Variants in IGF2BP3 observed in about 807,000 individuals in gnomAD.
IGF2BP3 encodes the protein insulin-like growth factor 2 mRNA-binding protein 3.
In IGF2BP3, 9 loss-of-function variants were observed where a neutral mutation model predicts 73.8. The ratio of observed to expected loss-of-function variants is 0.12; its 90% CI spans 0.07 to 0.21. The LOEUF (loss-of-function observed/expected upper bound fraction) is 0.21. Ranked by LOEUF, IGF2BP3 falls within the 10% of genes least tolerant of loss-of-function variation. The probability of loss-of-function intolerance (pLI) is 1.00; values close to 1 mark genes in which losing one functional copy is unlikely to be tolerated. For missense variants in IGF2BP3, 542 were observed against 714.0 expected, an observed-to-expected ratio of 0.76 and a Z score of 2.75; for synonymous variants, 258 against 256.7, an observed-to-expected ratio of 1.01 and a Z score of -0.05.
intron 3 of IGF2BP3, among the ~76,000 whole-genome samples, chr7:23,389,243 C>T (rs903646354): frequency 4.6e-5 from 7 of 151,750 alleles, no homozygotes; most frequent in African/African-American, 1.5e-4. Context: ...TCACTGCAAC[C>T]TCCATCTCCC....
At chr7:23,467,150 C>T (rs1179922985) in intron 2 of IGF2BP3, among the ~76,000 whole-genome samples, 1 of 152,152 alleles carries the variant, frequency 6.6e-6, no homozygotes, top group South Asian at 2.1e-4. Flanking sequence ...CACTCAAATC[C>T]CTTTCAATTA....
At chr7:23,468,986 C>T (rs1433070597) in intron 1 of IGF2BP3, among the ~76,000 whole-genome samples, 2 of 152,206 alleles carry the variant, frequency 1.3e-5, no homozygotes, top group Non-Finnish European at 2.9e-5. Context: ...CAGCGGTGGG[C>T]TTGAGGAAGA....
intron 3 of IGF2BP3, among the ~76,000 whole-genome samples, chr7:23,391,045 C>T (rs191172371): frequency 2.7e-4 from 41 of 150,462 alleles, no homozygotes; most frequent in Admixed American, 6.0e-4. Flanking sequence ...GTGATCTGCC[C>T]GTCTCGGCCT....
chr7:23,335,226 G>A (rs1180941444), intron 10 of IGF2BP3, among the ~76,000 whole-genome samples: 2 of 151,782 alleles, frequency 1.3e-5, no homozygotes, highest in African/African-American at 2.4e-5. Flanking sequence ...AAATCTTAAG[G>A]AGGAAGACTA....
At chr7:23,408,045 A>T (rs1294243426) in intron 3 of IGF2BP3, among the ~76,000 whole-genome samples, 1 of 152,116 alleles carries the variant, frequency 6.6e-6, no homozygotes, top group Non-Finnish European at 1.5e-5. Flanking sequence ...CATTTGAAAC[A>T]ATCCAACATT....
At chr7:23,341,034 G>A (rs1270401822) in intron 10 of IGF2BP3, among the ~76,000 whole-genome samples, 1 of 151,854 alleles carries the variant, frequency 6.6e-6, no homozygotes, top group Non-Finnish European at 1.5e-5. Flanking sequence ...ATTTTTAGTA[G>A]AGATGGGGTT....
chr7:23,453,216 G>A (rs1038761276), intron 2 of IGF2BP3, among the ~76,000 whole-genome samples: 1 of 152,192 alleles, frequency 6.6e-6, no homozygotes, highest in African/African-American at 2.4e-5. Flanking sequence ...TTACAAGTAT[G>A]AGCCAAGCAC....
chr7:23,334,699 G>C (rs773308218), intron 10 of IGF2BP3, among the ~76,000 whole-genome samples: 5 of 152,228 alleles, frequency 3.3e-5, no homozygotes, highest in Non-Finnish European at 5.9e-5. Flanking sequence ...CTTCTTGGCA[G>C]ACTCTCAACT....
At chr7:23,322,960 C>T (rs1279236469) in intron 10 of IGF2BP3, among the ~76,000 whole-genome samples, 1 of 152,140 alleles carries the variant, frequency 6.6e-6, no homozygotes, top group African/African-American at 2.4e-5. Context: ...CCAGCCACTG[C>T]AAAATCATGC....
intron 10 of IGF2BP3, among the ~76,000 whole-genome samples, chr7:23,335,120 A>G (rs1784541398): frequency 6.6e-6 from 1 of 150,998 alleles, no homozygotes; most frequent in South Asian, 2.1e-4. Flanking sequence ...TTTCACCATA[A>G]CTAGATAACC....
chr7:23,389,794 G>C (rs1583978356), intron 3 of IGF2BP3, among the ~76,000 whole-genome samples: 1 of 135,462 alleles, frequency 7.4e-6, no homozygotes, highest in Non-Finnish European at 1.5e-5. Context: ...AAGAGTTCAA[G>C]ACCAGCCTGG....
intron 3 of IGF2BP3, among the ~76,000 whole-genome samples, chr7:23,416,772 G>A (rs181039308): frequency 1.2e-4 from 18 of 152,280 alleles, no homozygotes; most frequent in Admixed American, 1.1e-3. Flanking sequence ...AATATATACA[G>A]GCTGGGTGCA....
Position 23,346,080 on chromosome 7 carries a change from G to C in IGF2BP3, c.819-18C>G. The C allele has an allele frequency of 3.8e-6, 6 of 1,595,764 alleles. No individual in the cohort carries two copies. The highest frequency in any genetic ancestry group is 5.1e-6 in the Non-Finnish European group (6 of 1,174,952). ...CTTCTGTGCTGTAAATAGAAAAGTG[G>C]CCATAAAATTAGAATAAGTAAACCT... is the stretch of plus-strand genomic sequence containing the variant. On this transcript the variant is annotated intron_variant, in intron 7 of 14. Coordinates refer to ENST00000258729, the MANE Select transcript of IGF2BP3 (RefSeq NM_006547.3).
chr7:23,359,276 T>C (rs1562698059), intron 5 of IGF2BP3, among the ~76,000 whole-genome samples: 1 of 152,220 alleles, frequency 6.6e-6, no homozygotes, highest in Non-Finnish European at 1.5e-5. Context: ...TTTTTGTTTT[T>C]AAAGGAGGAA....
At chr7:23,431,459 A>G (rs1269820774) in intron 2 of IGF2BP3, among the ~76,000 whole-genome samples, 1 of 152,180 alleles carries the variant, frequency 6.6e-6, no homozygotes, top group African/African-American at 2.4e-5. Flanking sequence ...TAAAAGTGGA[A>G]AGGAGGAAAC....
intron 10 of IGF2BP3, among the ~76,000 whole-genome samples, chr7:23,341,514 A>C (rs1479918835): frequency 2.0e-5 from 3 of 152,168 alleles, no homozygotes; most frequent in Non-Finnish European, 4.4e-5. Context: ...AAAAATACAA[A>C]AAAAGTAGCC....
chr7:23,401,535 C>A (rs1786663647), intron 3 of IGF2BP3, among the ~76,000 whole-genome samples: 1 of 151,726 alleles, frequency 6.6e-6, no homozygotes, highest in South Asian at 2.1e-4. Context: ...GAGGCCAAGG[C>A]AGGTGGATCA....
chr7:23,364,006 T>C (rs1005718531), intron 3 of IGF2BP3, among the ~76,000 whole-genome samples: 7 of 152,082 alleles, frequency 4.6e-5, no homozygotes, highest in African/African-American at 1.2e-4. Context: ...TGGGAAGCCA[T>C]GGCGGGTGTA....
At chr7:23,452,886 G>C (rs551366620) in intron 2 of IGF2BP3, among the ~76,000 whole-genome samples, 155 of 151,568 alleles carry the variant, frequency 1.0e-3, no homozygotes, top group Middle Eastern at 3.4e-3. Flanking sequence ...GGCCGAGGCA[G>C]GCAGATAACG....
Sources: allele counts gnomAD v4.1 joint callset (sites outside exome capture counted in the v4.1 genomes callset), GRCh38; gene constraint gnomAD v4.1.1; transcripts MANE v1.5; gene names NCBI Gene and HGNC (gene_info 2026-07-23, HGNC 2026-07-21).